NF1: variants seen among roughly 807,000 people sequenced by gnomAD.
NF1 encodes the protein neurofibromin 1, also known as neurofibromin.
Under a neutral mutation model 325.7 loss-of-function variants are expected in NF1, and 122 were observed. The observed-to-expected ratio is 0.37, with a 90% confidence interval of 0.32 to 0.44. The LOEUF (loss-of-function observed/expected upper bound fraction) is 0.44, where lower values mean the gene tolerates loss of function less well. Among genes scored for constraint, NF1 ranks in the 20% least tolerant of loss-of-function variants. NF1 has a pLI of 1.00. For missense variants in NF1, 2,140 were observed against 3,415.4 expected (o/e 0.63, Z 9.31); for synonymous variants, 1,091 against 1,186.0 (o/e 0.92, Z 1.65).
In NF1 at chr17:31,242,746, C is replaced by T. The variant is rs116729801; in HGVS notation, c.3975-6238C>T. On this transcript the variant is annotated intron_variant, in intron 29 of 57. Coordinates refer to ENST00000358273, the MANE Select transcript of NF1 (RefSeq NM_001042492.3). ...CCTCAAAACAGCTATTTTGACTCCT[C>T]GGTCTGAGAGGTCACATATCGCTGT... 4.5e-3 allele frequency among the ~76,000 whole-genome samples: 692 copies of T among 152,292 alleles called. 7 individuals are homozygous for T. The highest frequency in any genetic ancestry group is 0.016 in the African/African-American group (656 of 41,550).
chr17:31,312,195 G>A (rs899795667), intron 36 of NF1, among the ~76,000 whole-genome samples: 5 of 151,788 alleles, frequency 3.3e-5, no homozygotes, highest in African/African-American at 1.2e-4. Flanking sequence ...GTAAACTTTA[G>A]ATTTGGGACT....
At position 31,095,586 on chromosome 17, in the gene NF1, C is replaced by T. The variant is rs17878824; in HGVS notation, c.60+217C>T. Reference sequence around the variant, plus strand: ...CTGGGAGCTTGGGCACCCTTTCCCTCCTAAGTCGGGGGGTGGGGCCTTGTC... The same window carrying T: ...CTGGGAGCTTGGGCACCCTTTCCCTTCTAAGTCGGGGGGTGGGGCCTTGTC... On this transcript the variant is annotated intron_variant, in intron 1 of 57. Transcript: ENST00000358273. 1,560 of 574,606 alleles carry T rather than the reference C, an allele frequency of 2.7e-3. 16 individuals carry two copies. Among genetic ancestry groups the T allele is most frequent in the African/African-American group, 0.022 (1,128 of 51,432 alleles). The allele number at this position is 574,606 out of a possible 1,614,324, so 35.6% of individuals were successfully genotyped here. A position where few individuals can be genotyped will look rare whatever the true frequency, so the allele number is the denominator to read the frequency against.
rs566271932 is a variant in NF1 at position 31,309,983 on chromosome 17, T to C, written c.4836-15837T>C. 2.6e-5 allele frequency among the ~76,000 whole-genome samples: 4 copies of C among 152,278 alleles called. No homozygotes were observed. The East Asian group carries it at 7.7e-4, about 29-fold the overall frequency. ...CTGTATTAGAATTCTATGATGGCAA[T>C]TCAGTGTAGTCCAGAGAAGGAGAAG... On this transcript the variant is annotated intron_variant, in intron 36 of 57. Coordinates refer to ENST00000358273, the MANE Select transcript of NF1 (RefSeq NM_001042492.3).
chr17:31,227,633 T>C (rs2151427736), intron 20 of NF1, 27 bp downstream of exon 20: 1 of 1,575,354 alleles, frequency 6.3e-7, no homozygotes, highest in African/African-American at 1.3e-5. Flanking sequence ...GACTTTTGTC[T>C]GTTAACTGAT....
intron 57 of NF1, among the ~76,000 whole-genome samples, chr17:31,361,983 C>T (rs1034232304): frequency 5.9e-5 from 9 of 152,072 alleles, no homozygotes; most frequent in Non-Finnish European, 1.0e-4. Flanking sequence ...TCCCATGTAA[C>T]AAGGTTTGTT....
intron 57 of NF1, among the ~76,000 whole-genome samples, chr17:31,364,568 T>C (rs2070473094): frequency 6.6e-6 from 1 of 152,248 alleles, no homozygotes; most frequent in African/African-American, 2.4e-5. Flanking sequence ...TGGGCAGTAT[T>C]TCGTTAGTTA....
At chr17:31,301,069 A>T (rs1164950846) in intron 36 of NF1, among the ~76,000 whole-genome samples, 1 of 149,972 alleles carries the variant, frequency 6.7e-6, no homozygotes, top group African/African-American at 2.5e-5. Flanking sequence ...TTAAGTTTTA[A>T]TTTTTTTTTC....
chr17:31,208,984 C>A (rs555775835), intron 12 of NF1, among the ~76,000 whole-genome samples: 1 of 152,262 alleles, frequency 6.6e-6, no homozygotes, highest in East Asian at 1.9e-4. Context: ...CAGATAATAC[C>A]TAACATCAGA....
chr17:31,185,303 C>T (rs2066218593), intron 8 of NF1, among the ~76,000 whole-genome samples: 1 of 152,266 alleles, frequency 6.6e-6, no homozygotes, highest in African/African-American at 2.4e-5. Context: ...TAAAGAACTG[C>T]TTGAGTTTTC....
intron 57 of NF1, 184 bp downstream of exon 57, chr17:31,360,887 A>G (rs1284568325): frequency 9.4e-6 from 6 of 639,754 alleles, no homozygotes; most frequent in Non-Finnish European, 1.7e-5. Flanking sequence ...ACTTTCAAAC[A>G]AGTTGTACAT....
intron 48 of NF1, among the ~76,000 whole-genome samples, chr17:31,348,589 G>A (rs35212312): frequency 0.028 from 4,143 of 149,168 alleles, 230 homozygotes; most frequent in African/African-American, 0.096. Context: ...TGCTTATTTC[G>A]TGGTCAATGG....
At chr17:31,255,162 A>G (rs1390033044) in intron 31 of NF1, among the ~76,000 whole-genome samples, 1 of 152,214 alleles carries the variant, frequency 6.6e-6, no homozygotes, top group African/African-American at 2.4e-5. Context: ...TGCAGTAACT[A>G]AGCATATATG....
chr17:31,131,183 A>G (rs1433000900), intron 1 of NF1, among the ~76,000 whole-genome samples: 1 of 152,196 alleles, frequency 6.6e-6, no homozygotes, highest in African/African-American at 2.4e-5. Flanking sequence ...CTGTTGCACT[A>G]CAGATGCTCC....
intron 1 of NF1, among the ~76,000 whole-genome samples, chr17:31,147,376 C>CA (rs1371695020): frequency 6.6e-6 from 1 of 152,208 alleles, no homozygotes; most frequent in African/African-American, 2.4e-5. Flanking sequence ...ATTAAGCTCA[C>CA]AATTGTAAGT....
chr17:31,327,349 A>T, intron 37 of NF1, 150 bp from the exon 38 acceptor site: 1 of 655,376 alleles, frequency 1.5e-6, no homozygotes, highest in Non-Finnish European at 2.7e-6. Context: ...TATCATAATA[A>T]TTACTGAACC....
chr17:31,107,043 G>A (rs928721925), intron 1 of NF1, among the ~76,000 whole-genome samples: 1 of 151,986 alleles, frequency 6.6e-6, no homozygotes, highest in African/African-American at 2.4e-5. Flanking sequence ...TTTTTTAATT[G>A]TTACATCTAC....
At chr17:31,189,848 G>A (rs1288847140) in intron 8 of NF1, among the ~76,000 whole-genome samples, 11 of 140,200 alleles carry the variant, frequency 7.8e-5, no homozygotes, top group East Asian at 2.2e-4. Context: ...TGCAACCCCC[G>A]CCTCTCGGGT....
chr17:31,121,209 G>A (rs1914398445), intron 1 of NF1, among the ~76,000 whole-genome samples: 1 of 151,996 alleles, frequency 6.6e-6, no homozygotes, highest in African/African-American at 2.4e-5. Context: ...AAATGCCAAA[G>A]AATACCTAAA....
At position 31,336,382 on chromosome 17, in the gene NF1, C is replaced by T. The variant is rs1567616673; in HGVS notation, c.6056C>T (p.Ala2019Val). Residue 2019 changes from alanine to valine, a missense_variant, in exon 41 of 58, where the codon GCA becomes GTA. Ala to Val is a moderately conservative substitution (Grantham distance 64, BLOSUM62 0). Coordinates refer to ENST00000358273, the MANE Select transcript of NF1 (RefSeq NM_001042492.3). This position sits in a 1 kb window ranked among gnomAD's most constrained non-coding sequence, Gnocchi z 5.5. ...VVLDSFIKTSATGGLGSIKAE... is the reference protein window; with the variant it reads ...VVLDSFIKTSVTGGLGSIKAE... ...CTAGACAGTTTCATCAAAACCAGTGCAACAGGTGGCTTGGGATCAATAAAA... is the reference window on the plus strand; with the variant it reads ...CTAGACAGTTTCATCAAAACCAGTGTAACAGGTGGCTTGGGATCAATAAAA... 6.2e-7 allele frequency: 1 copy of T among 1,613,944 alleles called. No individual in the cohort carries two copies. The highest frequency in any genetic ancestry group is 8.5e-7 in the Non-Finnish European group (1 of 1,179,948).
Sources: allele counts gnomAD v4.1 joint callset (sites outside exome capture counted in the v4.1 genomes callset), GRCh38; gene constraint gnomAD v4.1.1; non-coding constraint Gnocchi (gnomAD v3.1); transcripts MANE v1.5; gene names NCBI Gene and HGNC (gene_info 2026-07-23, HGNC 2026-07-21).